Variants in SNX6 observed in about 807,000 individuals in gnomAD.
SNX6 encodes sorting nexin 6.
Under a neutral mutation model 63.0 loss-of-function variants are expected in SNX6, and 34 were observed. The ratio of observed to expected loss-of-function variants is 0.54; its 90% confidence interval spans 0.41 to 0.72. SNX6 has a LOEUF of 0.72. Ranked by LOEUF, SNX6 falls within the 30% of genes least tolerant of loss-of-function variation. The pLI is 0.00. For missense variants in SNX6, 398 were observed against 471.4 expected (o/e 0.84, Z 1.44); for synonymous variants, 170 against 164.2 (o/e 1.04, Z -0.27).
intron 11 of SNX6, chr14:34,568,637 T>G: frequency 1.1e-5 from 7 of 643,118 alleles, no homozygotes; most frequent in Non-Finnish European, 1.3e-5. Flanking sequence ...TCAGCCTGTT[T>G]TTTTTTTTTT....
chr14:34,565,110 C>T (rs1472511849), intron 13 of SNX6, among the ~76,000 whole-genome samples: 21 of 144,664 alleles, frequency 1.5e-4, no homozygotes, highest in African/African-American at 5.4e-4. Context: ...AGGAGTCTTG[C>T]TCTGTCACCC....
chr14:34,587,398 T>C (rs1882213074), intron 8 of SNX6, among the ~76,000 whole-genome samples: 1 of 151,394 alleles, frequency 6.6e-6, no homozygotes, highest in South Asian at 2.1e-4. Context: ...CCGAGTGTGG[T>C]GGCAGGCACC....
intron 7 of SNX6, among the ~76,000 whole-genome samples, chr14:34,596,612 C>G (rs1882610839): frequency 8.0e-6 from 1 of 124,446 alleles, no homozygotes; most frequent in Non-Finnish European, 1.7e-5. Flanking sequence ...AAGCAAGACT[C>G]TATCTCAGGA....
At chr14:34,573,352 A>G (rs1045433587) in intron 11 of SNX6, among the ~76,000 whole-genome samples, 3 of 152,054 alleles carry the variant, frequency 2.0e-5, no homozygotes, top group Admixed American at 6.6e-5. Context: ...AGGCTGGTGG[A>G]TCACTTAAGG....
rs1426524818 is a variant in SNX6, at chr14:34,563,094, C to A, written c.*28G>T. ...AAAATAAAATTTGAAGGAAGGCAGC[C>A]CTTTTTAACAGGAAGGCGGAGTGTG... On this transcript the variant is annotated 3_prime_UTR_variant, in exon 14 of 14. Coordinates refer to ENST00000362031, the MANE Select transcript of SNX6 (RefSeq NM_152233.4). The A allele has an allele frequency of 3.1e-6, 5 of 1,608,530 alleles. No individual in the cohort carries two copies. Among genetic ancestry groups the A allele is most frequent in the Non-Finnish European group, 3.4e-6 (4 of 1,176,032 alleles).
rs1312436381 is a variant in SNX6 at position 34,562,351 on chromosome 14, G to A, written c.*771C>T. The A allele has an allele frequency of 2.0e-5, 3 of 152,416 alleles. No individual in the cohort carries two copies. The highest frequency in any genetic ancestry group is 1.9e-4 in the East Asian group (1 of 5,194). The allele number at this position is 152,416 out of a possible 1,614,324, so 9.4% of individuals were successfully genotyped here. ...GTAAAGGGATTGGTGGACTTTGTTC[G>A]AGATGCCATTTCAAAAGAAATGAGA... On this transcript the variant is annotated 3_prime_UTR_variant, in exon 14 of 14. Transcript: ENST00000362031.
intron 6 of SNX6, among the ~76,000 whole-genome samples, chr14:34,600,513 A>G (rs2138336949): frequency 6.6e-6 from 1 of 152,064 alleles, no homozygotes; most frequent in South Asian, 2.1e-4. Flanking sequence ...CCTTGGCTCA[A>G]GCAATCCTCC....
In SNX6 at chr14:34,596,551, G is replaced by A. The variant is rs1479577969; in HGVS notation, c.612+999C>T. On this transcript the variant is annotated intron_variant, in intron 7 of 13. Transcript: ENST00000362031. ...GGAGAATTGCTTGAACCTGGGAGGC[G>A]GAGGTTGCAGTGAGCCGAGATTATG... Among the ~76,000 whole-genome samples the A allele has an allele frequency of 4.0e-5, 6 of 149,996 alleles. 1 individual carries two copies. Among genetic ancestry groups the A allele is most frequent in the South Asian group, 4.2e-4 (2 of 4,736 alleles).
chr14:34,578,960 A>G (rs995620785), intron 10 of SNX6, among the ~76,000 whole-genome samples: 2 of 147,018 alleles, frequency 1.4e-5, no homozygotes, highest in African/African-American at 5.0e-5. Context: ...AAAAAAAAAA[A>G]AAAAAAGGTT....
chr14:34,588,033 A>G (rs1318350296), intron 8 of SNX6, among the ~76,000 whole-genome samples: 1 of 143,838 alleles, frequency 7.0e-6, no homozygotes, highest in East Asian at 2.0e-4. Context: ...TTTGAGACAG[A>G]GTCTCACTCT....
At chr14:34,598,828 G>A (rs1025191504) in intron 6 of SNX6, among the ~76,000 whole-genome samples, 8 of 152,170 alleles carry the variant, frequency 5.3e-5, no homozygotes, top group African/African-American at 1.9e-4. Flanking sequence ...AGGCTGCAAT[G>A]TGCTACAACT....
intron 2 of SNX6, among the ~76,000 whole-genome samples, chr14:34,624,813 T>C (rs34978749): frequency 1.3e-5 from 2 of 151,678 alleles, no homozygotes; most frequent in East Asian, 3.9e-4. Flanking sequence ...AAAAAAATTT[T>C]TTTTGCTTAC....
chr14:34,586,279 C>G lies in SNX6; in HGVS notation c.745G>C (p.Gly249Arg). The G allele has an allele frequency of 6.2e-7, 1 of 1,607,308 alleles. No homozygotes were observed. The highest frequency in any genetic ancestry group is 8.5e-7 in the Non-Finnish European group (1 of 1,174,296). The change falls in exon 9 of 14, where the codon GGT (glycine) becomes CGT (arginine). Residue 249 changes from glycine to arginine, a missense_variant. Coordinates refer to ENST00000362031, the MANE Select transcript of SNX6 (RefSeq NM_152233.4). ...KSAADDYNRI[G>R]SSLYALGTQD... ...GTTCCTAAAGCATATAATGAAGAAC[C>G]AATTCTATTGTAATCATCTGCAGCA...
intron 10 of SNX6, among the ~76,000 whole-genome samples, chr14:34,576,452 ATTTTT>A (rs761952812): frequency 0.11 from 6,959 of 63,174 alleles, 255 homozygotes; most frequent in African/African-American, 0.16. Flanking sequence ...ATATATATAT[ATTTTT>A]TTTTTTTTTG....
At chr14:34,571,334 G>A (rs1441825050) in intron 11 of SNX6, among the ~76,000 whole-genome samples, 1 of 152,018 alleles carries the variant, frequency 6.6e-6, no homozygotes, top group African/African-American at 2.4e-5. Context: ...TTGGGAGGCT[G>A]AGGCAGGAGA....
At chr14:34,581,941 G>A (rs1400590995) in intron 9 of SNX6, among the ~76,000 whole-genome samples, 1 of 152,056 alleles carries the variant, frequency 6.6e-6, no homozygotes, top group Non-Finnish European at 1.5e-5. Flanking sequence ...CGATTCTCCA[G>A]CCTCAGCCTC....
rs1307827722 is a variant in SNX6 at position 34,567,781 on chromosome 14, A to G, written c.1082-10T>C. 15 of 1,612,812 alleles carry G rather than the reference A, an allele frequency of 9.3e-6. No homozygotes were observed. Among genetic ancestry groups the G allele is most frequent in the Non-Finnish European group, 1.3e-5 (15 of 1,179,066 alleles). On this transcript the variant is annotated splice_polypyrimidine_tract_variant and intron_variant, in intron 12 of 13. Coordinates refer to ENST00000362031, the MANE Select transcript of SNX6 (RefSeq NM_152233.4). The stretch of plus-strand genomic sequence containing the variant: ...TTAAAATCTATAAGTTCTGTGAAAA[A>G]GAAATTAGGATTATTTAATTTACAT...
At chr14:34,581,685 T>C in intron 9 of SNX6, 85 bp from the exon 10 acceptor site, 2 of 760,832 alleles carry the variant, frequency 2.6e-6, no homozygotes, top group Admixed American at 4.0e-5. Context: ...CCAAACCATA[T>C]TAATAACACC....
intron 13 of SNX6, among the ~76,000 whole-genome samples, chr14:34,565,765 C>T (rs1881153337): frequency 6.6e-6 from 1 of 151,720 alleles, no homozygotes; most frequent in Admixed American, 6.6e-5. Flanking sequence ...TCTTGGCTCA[C>T]TGCAAGCTCC....
Sources: allele counts gnomAD v4.1 joint callset (sites outside exome capture counted in the v4.1 genomes callset), GRCh38; gene constraint gnomAD v4.1.1; transcripts MANE v1.5; gene names NCBI Gene and HGNC (gene_info 2026-07-23, HGNC 2026-07-21).